The following PCDH15 variants were observed in gnomAD, a reference collection of about 807,000 sequenced individuals.
PCDH15 encodes the protein protocadherin-15.
A neutral mutation model predicts 178.5 loss-of-function variants in PCDH15; 129 were observed. The ratio of observed to expected loss-of-function variants is 0.72; its 90% CI spans 0.63 to 0.84. PCDH15 has a LOEUF of 0.84. PCDH15 is among the 40% of genes least tolerant of loss of function. PCDH15 has a pLI of 0.00. For synonymous variants in PCDH15, 800 were observed against 732.0 expected (o/e 1.09, Z -1.50); for missense variants, 2,230 against 2,099.9 (o/e 1.06, Z -1.21).
At chr10:54,353,890 G>T (rs1310017606) in intron 5 of PCDH15, among the ~76,000 whole-genome samples, 2 of 152,126 alleles carry the variant, frequency 1.3e-5, no homozygotes, top group African/African-American at 4.8e-5. Flanking sequence ...AATTATTACT[G>T]TTACAGAGAA....
intron 6 of PCDH15, among the ~76,000 whole-genome samples, chr10:54,335,558 A>C (rs1940909003): frequency 6.6e-6 from 1 of 152,158 alleles, no homozygotes; most frequent in African/African-American, 2.4e-5. Flanking sequence ...GTAGTGAATA[A>C]GTCTCATGAG....
Position 54,961,055 on chromosome 10 carries a change from G to A in PCDH15, c.-79-63555C>T, listed in dbSNP as rs540448315. On this transcript the variant is annotated intron_variant, in intron 2 of 5. Transcript: ENST00000458638. ...ATTTAATAAAAGTATTTAGAACACT[G>A]CAGGAAAAATATATATCAAATTGAT... 5.9e-5 allele frequency among the ~76,000 whole-genome samples: 9 copies of A among 152,352 alleles called. No homozygotes were observed. The South Asian group carries it at 1.9e-3, about 32-fold the overall frequency.
chr10:54,184,951 CA>C, intron 12 of PCDH15, among the ~76,000 whole-genome samples, 182 bp downstream of exon 12: 1 of 151,068 alleles, frequency 6.6e-6, no homozygotes, highest in South Asian at 2.1e-4. Flanking sequence ...ACACAAATTA[CA>C]AAAAAAGAGC....
intron 5 of PCDH15, among the ~76,000 whole-genome samples, chr10:54,352,870 A>C (rs1944390717): frequency 6.6e-6 from 1 of 152,152 alleles, no homozygotes. Flanking sequence ...AATGAGAACT[A>C]TGATTCATCC....
chr10:54,294,404 G>A (rs903310540), intron 8 of PCDH15, among the ~76,000 whole-genome samples: 3 of 152,126 alleles, frequency 2.0e-5, no homozygotes, highest in African/African-American at 4.8e-5. Flanking sequence ...CATGCCACGT[G>A]TATACCTATG....
chr10:55,128,299 A>G (rs985443041), intron 2 of PCDH15, among the ~76,000 whole-genome samples: 3 of 151,718 alleles, frequency 2.0e-5, no homozygotes, highest in African/African-American at 7.2e-5. Context: ...TCAACAGTAC[A>G]ATGGCCATTA....
chr10:53,994,307 T>C (rs2091711614), intron 21 of PCDH15, among the ~76,000 whole-genome samples: 1 of 152,188 alleles, frequency 6.6e-6, no homozygotes, highest in Admixed American at 6.5e-5. Flanking sequence ...TTAAACTCTA[T>C]ATTAAATTCT....
intron 1 of PCDH15, among the ~76,000 whole-genome samples, chr10:54,757,923 T>A (rs1038559991): frequency 1.3e-5 from 2 of 152,190 alleles, no homozygotes; most frequent in East Asian, 3.9e-4. Context: ...ATTGGGTCTC[T>A]GAATACAGCC....
At chr10:54,619,361 G>A (rs2093284413) in intron 2 of PCDH15, 1 of 151,298 alleles carries the variant, frequency 6.6e-6, no homozygotes, top group Non-Finnish European at 1.5e-5. Context: ...ATAATTCATT[G>A]ATTGGGATAA....
chr10:55,456,186 C>T (rs1246467978), intron 2 of PCDH15, among the ~76,000 whole-genome samples: 1 of 151,908 alleles, frequency 6.6e-6, no homozygotes, highest in Non-Finnish European at 1.5e-5. Context: ...GGATGTGATG[C>T]TTTTTGGCAA....
At chr10:55,575,964 C>T (rs915124880) in intron 2 of PCDH15, among the ~76,000 whole-genome samples, 8 of 152,168 alleles carry the variant, frequency 5.3e-5, no homozygotes, top group Non-Finnish European at 1.0e-4. Context: ...GGGGCATCCA[C>T]GTGTGGTATG....
chr10:55,353,593 C>A (rs1218478799), intron 2 of PCDH15, among the ~76,000 whole-genome samples: 1 of 152,054 alleles, frequency 6.6e-6, no homozygotes, highest in Non-Finnish European at 1.5e-5. Context: ...AACTTTAGAT[C>A]TGCTTGGCCT....
At chr10:54,220,774 G>A (rs948863265) in intron 9 of PCDH15, among the ~76,000 whole-genome samples, 4 of 151,642 alleles carry the variant, frequency 2.6e-5, no homozygotes, top group African/African-American at 9.7e-5. Context: ...GCAGTGAGCC[G>A]AGATCGCGCC....
chr10:54,792,586 G>A (rs1477954372), intron 1 of PCDH15, among the ~76,000 whole-genome samples: 3 of 151,864 alleles, frequency 2.0e-5, no homozygotes, highest in Non-Finnish European at 4.4e-5. Context: ...CAGAACAAAA[G>A]TTGCTCTCCC....
intron 15 of PCDH15, among the ~76,000 whole-genome samples, chr10:54,097,223 T>G (rs193142569): frequency 6.6e-6 from 1 of 152,224 alleles, no homozygotes. Context: ...TTTTTAACTG[T>G]ACCTAATTTC....
chr10:55,458,305 G>A (rs897488087), intron 2 of PCDH15, among the ~76,000 whole-genome samples: 1 of 151,988 alleles, frequency 6.6e-6, no homozygotes, highest in Non-Finnish European at 1.5e-5. Flanking sequence ...TTCACTTGCA[G>A]GTTCTGCTGA....
chr10:55,020,504 C>T (rs1465214623), intron 2 of PCDH15, among the ~76,000 whole-genome samples: 1 of 151,502 alleles, frequency 6.6e-6, no homozygotes, highest in Non-Finnish European at 1.5e-5. Context: ...ACAAGCAAAA[C>T]AAAGGGAAAA....
chr10:54,881,629 C>T (rs928741395), intron 3 of PCDH15, among the ~76,000 whole-genome samples: 5 of 152,026 alleles, frequency 3.3e-5, no homozygotes, highest in African/African-American at 1.2e-4. Context: ...ACAATTAACA[C>T]TGTGAATCAT....
At chr10:55,301,069 T>C (rs1843264276) in intron 1 of PCDH15, among the ~76,000 whole-genome samples, 1 of 152,212 alleles carries the variant, frequency 6.6e-6, no homozygotes, top group Admixed American at 6.5e-5. Context: ...AACAAACATT[T>C]GTGAACAGGC....
Sources: gnomAD v4.1 joint callset for allele counts (sites outside exome capture counted in the v4.1 genomes callset) on GRCh38, gnomAD v4.1.1 for gene constraint, MANE v1.5 for transcripts, NCBI Gene and HGNC (gene_info 2026-07-23, HGNC 2026-07-21) for gene names.